UST: variants seen among roughly 807,000 people sequenced by gnomAD.
UST encodes the protein uronyl 2-sulfotransferase, also known as chondroitin sulfate 2-O-sulfotransferase.
A neutral mutation model predicts 45.6 loss-of-function variants in UST; 21 were observed. The observed-to-expected ratio is 0.46, with a 90% CI of 0.33 to 0.66. The LOEUF is 0.66. UST is among the 30% of genes least tolerant of loss of function. The pLI, the probability that UST is intolerant of heterozygous loss-of-function variation, is 0.02. For synonymous variants in UST, 215 were observed against 200.6 expected (o/e 1.07, Z -0.61); for missense variants, 463 against 512.4 (o/e 0.90, Z 0.93).
intron 1 of UST, among the ~76,000 whole-genome samples, chr6:148,821,287 G>A (rs1485131847): frequency 6.6e-6 from 1 of 151,362 alleles, no homozygotes; most frequent in African/African-American, 2.4e-5. Flanking sequence ...TTTTTTTTAA[G>A]TCTAATCCAA....
intron 2 of UST, among the ~76,000 whole-genome samples, chr6:148,888,181 G>A (rs1268587555): frequency 3.9e-5 from 6 of 152,154 alleles, no homozygotes; most frequent in Non-Finnish European, 8.8e-5. Context: ...ATCTTACGTG[G>A]CCAGAGCAGG....
chr6:148,977,645 G>A (rs982131511), intron 5 of UST, among the ~76,000 whole-genome samples: 5 of 151,800 alleles, frequency 3.3e-5, no homozygotes, highest in East Asian at 3.9e-4. Flanking sequence ...CCAGCTACTC[G>A]GGAGGCTGAG....
rs934789980 is a variant in UST at position 148,822,654 on chromosome 6, G to A, written c.248-64332G>A. The stretch of plus-strand genomic sequence containing the variant: ...CCATGAGGTATGAAATATCTCTGTC[G>A]GGGAATATGAGTAATTTGCCATTTC... On this transcript the variant is annotated intron_variant, in intron 1 of 7. Transcript: ENST00000367463. 5.3e-5 allele frequency among the ~76,000 whole-genome samples: 8 copies of A among 152,234 alleles called. No homozygotes were observed. The East Asian group carries it at 9.6e-4, about 18-fold the overall frequency.
intron 3 of UST, among the ~76,000 whole-genome samples, chr6:148,943,390 G>C (rs946085357): frequency 3.3e-5 from 5 of 152,182 alleles, no homozygotes; most frequent in Admixed American, 3.3e-4. Flanking sequence ...ACAAAGTACA[G>C]TATTTAAATG....
intron 2 of UST, among the ~76,000 whole-genome samples, chr6:148,916,802 G>A (rs780165467): frequency 1.9e-4 from 29 of 152,192 alleles, no homozygotes; most frequent in Admixed American, 7.2e-4. Flanking sequence ...GTCGTAATAC[G>A]TATTTGGCCT....
intron 1 of UST, among the ~76,000 whole-genome samples, chr6:148,857,762 C>CAAAAA (rs35774834): frequency 6.6e-5 from 8 of 120,452 alleles, no homozygotes; most frequent in South Asian, 2.9e-4. Context: ...GTCTCCATCT[C>CAAAAA]AAAAAAAAAA....
chr6:149,003,832 A>G (rs2115006221), intron 5 of UST, among the ~76,000 whole-genome samples: 1 of 152,328 alleles, frequency 6.6e-6, no homozygotes, highest in African/African-American at 2.4e-5. Context: ...AAGCCAGCCC[A>G]GCACCCCACC....
At chr6:148,927,153 C>T (rs117928442) in intron 2 of UST, among the ~76,000 whole-genome samples, 3,807 of 139,324 alleles carry the variant, frequency 0.027, 68 homozygotes, top group Non-Finnish European at 0.04. Context: ...AGAGAGAGAA[C>T]AAAACAAAGA....
intron 7 of UST, chr6:149,066,114 A>T (rs1270359262): frequency 6.6e-6 from 1 of 152,474 alleles, no homozygotes; most frequent in Non-Finnish European, 1.5e-5. Flanking sequence ...CCAGGAAAAC[A>T]CTGTTGCAGA....
chr6:148,818,465 T>A (rs1432419943), intron 1 of UST, among the ~76,000 whole-genome samples: 1 of 152,164 alleles, frequency 6.6e-6, no homozygotes, highest in Non-Finnish European at 1.5e-5. Flanking sequence ...CCTAATTCAG[T>A]TGGTGGGAAA....
chr6:148,791,732 T>A (rs1266544890), intron 1 of UST, among the ~76,000 whole-genome samples: 1 of 152,108 alleles, frequency 6.6e-6, no homozygotes, highest in African/African-American at 2.4e-5. Context: ...CAGTCTAGAG[T>A]AACAATAAGG....
chr6:148,953,841 T>A, intron 3 of UST, 31 bp from the exon 4 acceptor site: 1 of 1,379,122 alleles, frequency 7.3e-7, no homozygotes, highest in Non-Finnish European at 1.0e-6. Context: ...AATTAGATCC[T>A]ATATATGCTA....
intron 1 of UST, among the ~76,000 whole-genome samples, chr6:148,835,340 G>T (rs1777767607): frequency 6.6e-6 from 1 of 152,150 alleles, no homozygotes; most frequent in Admixed American, 6.5e-5. Context: ...TTTGGTGTCT[G>T]TGGGGTTCCT....
intron 1 of UST, among the ~76,000 whole-genome samples, chr6:148,824,450 A>G (rs548107357): frequency 6.6e-6 from 1 of 152,272 alleles, no homozygotes; most frequent in East Asian, 1.9e-4. Flanking sequence ...GAAGACTTAG[A>G]CTGTGCAGTA....
chr6:148,917,198 C>G (rs1422847564), intron 2 of UST, among the ~76,000 whole-genome samples: 2 of 152,220 alleles, frequency 1.3e-5, no homozygotes, highest in African/African-American at 2.4e-5. Flanking sequence ...CCTTTCTTCC[C>G]CCTCAGCCAT....
intron 5 of UST, among the ~76,000 whole-genome samples, chr6:148,988,357 T>G (rs572528015): frequency 2.0e-5 from 3 of 151,982 alleles, no homozygotes; most frequent in Non-Finnish European, 2.9e-5. Context: ...GTGAATCACT[T>G]GAGGCCAGGA....
chr6:149,020,366 G>A (rs1481517483), intron 6 of UST, among the ~76,000 whole-genome samples: 1 of 152,116 alleles, frequency 6.6e-6, no homozygotes, highest in Non-Finnish European at 1.5e-5. Flanking sequence ...AGTGCTTCAG[G>A]TATTGGGAAG....
intron 7 of UST, among the ~76,000 whole-genome samples, chr6:149,038,584 C>T (rs1776268304): frequency 6.6e-6 from 1 of 152,166 alleles, no homozygotes; most frequent in African/African-American, 2.4e-5. Flanking sequence ...GAATAAACTT[C>T]TGTTGTCTTA....
At chr6:148,749,217 A>C (rs968747779) in intron 1 of UST, among the ~76,000 whole-genome samples, 23 of 152,164 alleles carry the variant, frequency 1.5e-4, no homozygotes, top group African/African-American at 4.6e-4. Flanking sequence ...TCTTCTTTTC[A>C]TAAGTTCTGT....
Sources: allele counts gnomAD v4.1 joint callset (sites outside exome capture counted in the v4.1 genomes callset), GRCh38; gene constraint gnomAD v4.1.1; transcripts MANE v1.5; gene names NCBI Gene and HGNC (gene_info 2026-07-23, HGNC 2026-07-21).